Variants in MGAT5 observed in about 807,000 individuals in gnomAD.
MGAT5 encodes the protein alpha-1,6-mannosylglycoprotein 6-beta-N-acetylglucosaminyltransferase.
MGAT5 carries 30 observed loss-of-function variants against 94.3 expected under a neutral mutation model. That is an observed-to-expected ratio of 0.32 (90% confidence interval 0.24 to 0.43). The LOEUF is 0.43. Ranked by LOEUF, MGAT5 falls within the 20% of genes least tolerant of loss-of-function variation. The probability of loss-of-function intolerance (pLI) is 1.00; values close to 1 mark genes in which losing one functional copy is unlikely to be tolerated. For synonymous variants in MGAT5, 310 were observed against 322.9 expected (o/e 0.96, Z 0.43); for missense variants, 691 against 905.5 (o/e 0.76, Z 3.04).
Position 134,329,844 on chromosome 2 carries a change from G to A in MGAT5, c.574-6373G>A, listed in dbSNP as rs966273171. On this transcript the variant is annotated intron_variant, in intron 4 of 15. Coordinates refer to ENST00000281923, the MANE Select transcript of MGAT5 (RefSeq NM_002410.5). The stretch of plus-strand genomic sequence containing the variant: ...GACCAAAATATTAATCAACTCAGGT[G>A]TTGGTGCAGAGAACTAGCCTAGAAA... Among the ~76,000 whole-genome samples the A allele has an allele frequency of 3.3e-5, 5 of 152,120 alleles. No individual in the cohort carries two copies. The East Asian group carries it at 7.7e-4, about 23-fold the overall frequency.
chr2:134,311,847 T>C (rs760062216), intron 2 of MGAT5, among the ~76,000 whole-genome samples: 4 of 152,192 alleles, frequency 2.6e-5, no homozygotes, highest in African/African-American at 9.7e-5. Context: ...TATATACGTA[T>C]AAATATTGAT....
upstream of MGAT5, among the ~76,000 whole-genome samples, chr2:134,250,917 T>C (rs888021029): frequency 1.3e-5 from 2 of 152,228 alleles, no homozygotes; most frequent in African/African-American, 4.8e-5. Flanking sequence ...AGAAGAAGCC[T>C]TCTACCTTCT....
intron 1 of MGAT5, among the ~76,000 whole-genome samples, chr2:134,269,212 T>G (rs1199498185): frequency 6.6e-6 from 1 of 152,214 alleles, no homozygotes; most frequent in East Asian, 1.9e-4. Flanking sequence ...AGCATCTGCT[T>G]CTGGTTCATG....
chr2:134,208,810 C>A (rs1460061673), intron 1 of MGAT5, among the ~76,000 whole-genome samples: 1 of 152,208 alleles, frequency 6.6e-6, no homozygotes, highest in Non-Finnish European at 1.5e-5. Flanking sequence ...CCTTTCTTGG[C>A]TGGACTTCTA....
intron 2 of MGAT5, among the ~76,000 whole-genome samples, chr2:134,307,032 G>T (rs997924525): frequency 1.3e-5 from 2 of 152,118 alleles, no homozygotes; most frequent in African/African-American, 2.4e-5. Context: ...TTACGAGAGG[G>T]TTGATCTACT....
At chr2:134,264,210 C>T (rs952209602) in intron 1 of MGAT5, among the ~76,000 whole-genome samples, 5 of 151,848 alleles carry the variant, frequency 3.3e-5, no homozygotes, top group African/African-American at 1.2e-4. Context: ...TTAGTAGAGA[C>T]GGGGTTTCTC....
At chr2:134,317,012 A>G (rs1405807829) in intron 2 of MGAT5, among the ~76,000 whole-genome samples, 2 of 152,160 alleles carry the variant, frequency 1.3e-5, no homozygotes, top group Non-Finnish European at 2.9e-5. Flanking sequence ...GCAGGGCAGG[A>G]GTTCCTTAGG....
chr2:134,432,083 C>G (rs1684914125), intron 14 of MGAT5, among the ~76,000 whole-genome samples: 1 of 152,168 alleles, frequency 6.6e-6, no homozygotes, highest in South Asian at 2.1e-4. Context: ...GTTCCCTATC[C>G]TCAGTATGTG....
At chr2:134,304,244 C>T (rs1028013229) in intron 2 of MGAT5, among the ~76,000 whole-genome samples, 3 of 152,254 alleles carry the variant, frequency 2.0e-5, no homozygotes, top group Non-Finnish European at 4.4e-5. Context: ...GTACAATATA[C>T]AATAACCACC....
chr2:134,431,899 G>A (rs1684901027), intron 14 of MGAT5, among the ~76,000 whole-genome samples: 1 of 152,178 alleles, frequency 6.6e-6, no homozygotes, highest in Admixed American at 6.5e-5. Context: ...GGCACCCAAT[G>A]AGAAAGACTC....
intron 5 of MGAT5, among the ~76,000 whole-genome samples, chr2:134,337,919 G>A (rs1688421906): frequency 6.6e-6 from 1 of 152,122 alleles, no homozygotes; most frequent in African/African-American, 2.4e-5. Flanking sequence ...AGATCCAAGT[G>A]GAACAGTAAA....
At chr2:134,362,538 A>G in intron 10 of MGAT5, 130 bp downstream of exon 10, 10 of 1,157,550 alleles carry the variant, frequency 8.6e-6, no homozygotes, top group Non-Finnish European at 1.2e-5. Context: ...ATAAACAAGA[A>G]TGTGCAAAGA....
At position 134,317,591 on chromosome 2, in the gene MGAT5, G is replaced by A. The variant is rs780407656; in HGVS notation, c.469G>A (p.Glu157Lys). The change falls in exon 3 of 16, where the codon GAG becomes AAG. Residue 157 changes from glutamate (E) to lysine (K), a missense_variant. By Grantham distance (56) the Glu-to-Lys change is moderately conservative (BLOSUM62 1). Transcript: ENST00000281923. ...TCCTATGGACGGCTACCCTCACTGT[G>A]AGGGAAAGATCAAGGTAAGGCAGAG... ...LPPMDGYPHC[E>K]GKIKWMKDMW... 2 of 1,566,546 alleles carry A rather than the reference G, an allele frequency of 1.3e-6. No individual in the cohort carries two copies. Among genetic ancestry groups the A allele is most frequent in the East Asian group, 2.4e-5 (1 of 41,118 alleles).
intron 2 of MGAT5, among the ~76,000 whole-genome samples, chr2:134,313,999 A>G (rs10183733): frequency 0.78 from 118,716 of 152,214 alleles, 46,911 homozygotes; most frequent in East Asian, 0.91. Context: ...GACAAAAACT[A>G]ATAAAAATGT....
Position 134,454,565 on chromosome 2 carries a change from A to C in MGAT5, c.*5718A>C, listed in dbSNP as rs926034778. The C allele has an allele frequency of 5.9e-5, 9 of 152,212 alleles. No individual in the cohort carries two copies. The highest frequency in any genetic ancestry group is 2.0e-4 in the Admixed American group (3 of 15,296). The allele number at this position is 152,212 out of a possible 1,614,324, so 9.4% of individuals were successfully genotyped here. A position where few individuals can be genotyped will look rare whatever the true frequency, so the allele number is the denominator to read the frequency against. ...CATAGAGAGCACTGCTTTGTTTTCC[A>C]CTGTTGTAGAGAAAACTAGGGAGAA... is the stretch of plus-strand genomic sequence containing the variant. On this transcript the variant is annotated 3_prime_UTR_variant, in exon 16 of 16. Transcript: ENST00000281923.
intron 14 of MGAT5, among the ~76,000 whole-genome samples, chr2:134,435,934 A>G (rs1030423319): frequency 2.0e-5 from 3 of 152,288 alleles, no homozygotes; most frequent in East Asian, 1.9e-4. Context: ...AGAAGAAGCT[A>G]TGACAGGGGC....
intron 1 of MGAT5, among the ~76,000 whole-genome samples, chr2:134,239,803 A>G (rs1439559272): frequency 6.6e-6 from 1 of 152,096 alleles, no homozygotes; most frequent in Admixed American, 6.6e-5. Flanking sequence ...GTAAAACGTA[A>G]TACAAGAAGA....
At chr2:134,399,298 A>G (rs1008524674) in intron 10 of MGAT5, among the ~76,000 whole-genome samples, 6 of 152,148 alleles carry the variant, frequency 3.9e-5, no homozygotes, top group African/African-American at 1.4e-4. Flanking sequence ...GTGTTGCGTA[A>G]ATTGAATTGT....
chr2:134,433,171 C>G (rs2106393491), intron 14 of MGAT5, among the ~76,000 whole-genome samples: 1 of 152,338 alleles, frequency 6.6e-6, no homozygotes, highest in South Asian at 2.1e-4. Context: ...TTCTGGCTTT[C>G]ACTTAGCATG....
Sources: gnomAD v4.1 joint callset for allele counts (sites outside exome capture counted in the v4.1 genomes callset) on GRCh38, gnomAD v4.1.1 for gene constraint, MANE v1.5 for transcripts, NCBI Gene and HGNC (gene_info 2026-07-23, HGNC 2026-07-21) for gene names.